Variants in CUL4B observed in about 807,000 individuals in gnomAD.
CUL4B encodes the protein cullin-4B.
In CUL4B, 1 loss-of-function variant was observed where a neutral mutation model predicts 69.2. The ratio of observed to expected loss-of-function variants is 0.01; its 90% CI spans 0.01 to 0.07. The LOEUF is 0.07. Among genes scored for constraint, CUL4B ranks in the 10% least tolerant of loss-of-function variants. CUL4B has a pLI of 1.00. For missense variants in CUL4B, 328 were observed against 638.8 expected, an observed-to-expected ratio of 0.51 and a Z score of 5.24; for synonymous variants, 237 against 223.2, an observed-to-expected ratio of 1.06 and a Z score of -0.55.
Position 120,553,506 on chromosome X carries a change from G to T in CUL4B, c.672+4418C>A, listed in dbSNP as rs190361436. 5.5e-4 allele frequency among the ~76,000 whole-genome samples: 62 copies of T among 111,892 alleles called. 1 individual carries two copies. The East Asian group carries it at 0.017, about 30-fold the overall frequency. Reference sequence around the variant, plus strand: ...ATTATTTTCATCAGAATTGAAGTATGGCCTAGGCTTGACTTTAAAAATAGC... The same window carrying T: ...ATTATTTTCATCAGAATTGAAGTATTGCCTAGGCTTGACTTTAAAAATAGC... On this transcript the variant is annotated intron_variant, in intron 2 of 19. Coordinates refer to ENST00000371322, the MANE Select transcript of CUL4B (RefSeq NM_001079872.2).
chrX:120,542,774 A>T (rs752369582), intron 9 of CUL4B, among the ~76,000 whole-genome samples, 192 bp downstream of exon 9: 1 of 111,156 alleles, frequency 9.0e-6, no homozygotes, highest in Admixed American at 9.6e-5. Context: ...CCTCTCTTCT[A>T]GTTCCTGTAT....
intron 1 of CUL4B, among the ~76,000 whole-genome samples, chrX:120,559,512 A>G (rs968179351): frequency 1.8e-5 from 2 of 112,507 alleles, no homozygotes; most frequent in Non-Finnish European, 3.8e-5. Flanking sequence ...TGTATACACA[A>G]TGTTTTTCAC....
chrX:120,560,346 T>C lies in CUL4B; in HGVS notation c.293A>G (p.Gln98Arg). Residue 98 changes from glutamine (Q) to arginine (R), a missense_variant, in exon 1 of 20, where the codon CAG (glutamine) becomes CGG (arginine). This residue lies in a region of CUL4B where 102 missense variants were observed against 122.1 expected (regional missense o/e 0.84). Transcript: ENST00000371322. The part of the protein sequence containing the change: ...SVAASSHVPI[Q>R]KKLRFEDTLE... ...GGTGTCTTCAAAACGCAGCTTCTTC[T>C]GTATCGGTACGTGGCTGGAAGCAGC... 2 of 1,209,350 alleles carry C rather than the reference T, an allele frequency of 1.7e-6. No homozygotes were observed. The highest frequency in any genetic ancestry group is 2.2e-6 in the Non-Finnish European group (2 of 893,883).
chrX:120,566,349 A>G (rs1191477925), upstream of CUL4B, among the ~76,000 whole-genome samples: 5 of 20,568 alleles, frequency 2.4e-4, no homozygotes, highest in East Asian at 4.3e-3. Context: ...GTATAGGTAT[A>G]TATATATATA....
upstream of CUL4B, among the ~76,000 whole-genome samples, chrX:120,564,694 G>T (rs933687103): frequency 8.9e-6 from 1 of 112,432 alleles, no homozygotes; most frequent in Non-Finnish European, 1.9e-5. Context: ...GAACATAAGC[G>T]TATATTCTGT....
In CUL4B at chrX:120,526,658, T is replaced by C. The variant is rs1000134960; in HGVS notation, c.*103A>G. On this transcript the variant is annotated 3_prime_UTR_variant, in exon 20 of 20. Coordinates refer to ENST00000371322, the MANE Select transcript of CUL4B (RefSeq NM_001079872.2). ...TATTTCCATTAATTACACTGCTTCA[T>C]TTGGTCATCGGTAGTAAAAAAGGAG... 5.7e-6 allele frequency: 3 copies of C among 527,963 alleles called. No individual in the cohort carries two copies. The highest frequency in any genetic ancestry group is 2.3e-5 in the African/African-American group (1 of 43,502). 43.5% of individuals were successfully genotyped at this position (527,963 alleles called of 1,213,427 possible).
intron 19 of CUL4B, among the ~76,000 whole-genome samples, 160 bp downstream of exon 19, chrX:120,529,942 G>GTT (rs76254851): frequency 3.6e-4 from 38 of 104,650 alleles, no homozygotes; most frequent in Admixed American, 1.0e-3. Flanking sequence ...TGCCAACAAA[G>GTT]TTTTTTTTTT....
At chrX:120,545,553 G>T (rs752791681) in intron 4 of CUL4B, 36 bp from the exon 5 acceptor site, 2 of 989,405 alleles carry the variant, frequency 2.0e-6, no homozygotes, top group East Asian at 3.3e-5. Flanking sequence ...AACAAGTTTT[G>T]TATGTTGTGA....
chrX:120,544,158 G>T lies in CUL4B; in HGVS notation c.1129C>A (p.Arg377=), dbSNP rs912042227. The T allele has an allele frequency of 8.3e-7, 1 of 1,205,931 alleles. No individual in the cohort carries two copies. Among genetic ancestry groups the T allele is most frequent in the East Asian group, 3.0e-5 (1 of 33,760 alleles). Residue 377 remains arginine (R), a synonymous_variant, in exon 7 of 20, where the codon CGG becomes AGG. Coordinates refer to ENST00000371322, the MANE Select transcript of CUL4B (RefSeq NM_001079872.2). ...TTTTGGCCTTCAGCTGCATAGAGCC[G>T]GTTAGTTTCTTCCAAAAATCGTTGT... The part of the protein sequence containing the change: ...FEQRFLEETN[R]LYAAEGQKLM...
rs1925198885 is a variant in CUL4B at position 120,560,157 on chromosome X, G to C, written c.482C>G (p.Ser161Cys). 8.3e-7 allele frequency: 1 copy of C among 1,210,314 alleles called. No individual in the cohort carries two copies. Among genetic ancestry groups the C allele is most frequent in the African/African-American group, 1.7e-5 (1 of 57,241 alleles). ...SVHHANGLAK[S>C]STTVSSFANS... is the part of the protein sequence containing the mutation. Reference sequence around the variant, plus strand: ...AGCAAAGCTAGAGACGGTGGTAGAAGATTTGGCTAGGCCGTTTGCATGATG... The same window carrying C: ...AGCAAAGCTAGAGACGGTGGTAGAACATTTGGCTAGGCCGTTTGCATGATG... Residue 161 changes from serine to cysteine, a missense_variant, in exon 1 of 20, where the codon TCT (serine) becomes TGT (cysteine). Ser to Cys is a moderately radical substitution (Grantham distance 112, BLOSUM62 -1). Around this residue, in one of 4 missense-constraint regions of CUL4B, gnomAD observed 102 missense variants for 122.1 expected, o/e 0.84. Transcript: ENST00000371322.
chrX:120,548,435 G>A (rs1055855968), intron 2 of CUL4B, among the ~76,000 whole-genome samples: 8 of 111,931 alleles, frequency 7.1e-5, no homozygotes, highest in Non-Finnish European at 1.3e-4. Context: ...GGATTTTCCT[G>A]AACAGAACAA....
upstream of CUL4B, among the ~76,000 whole-genome samples, chrX:120,562,772 T>C (rs1261680494): frequency 2.7e-5 from 3 of 111,276 alleles, no homozygotes; most frequent in Non-Finnish European, 5.7e-5. Context: ...GAAAGTGCAG[T>C]GAGGCTGGGA....
chrX:120,553,130 T>C (rs1230878132), intron 2 of CUL4B, among the ~76,000 whole-genome samples: 3 of 111,542 alleles, frequency 2.7e-5, no homozygotes, highest in African/African-American at 9.8e-5. Flanking sequence ...TAACAAAGAG[T>C]AGAATTTTAG....
At chrX:120,547,083 G>A (rs1924383585) in intron 3 of CUL4B, 53 bp downstream of exon 3, 1 of 817,121 alleles carries the variant, frequency 1.2e-6, no homozygotes, top group African/African-American at 2.0e-5. Flanking sequence ...GTGAGGGGTA[G>A]GGACAGAGAG....
chrX:120,530,373 A>C (rs982666665), intron 18 of CUL4B, 119 bp from the exon 19 acceptor site: 1 of 651,900 alleles, frequency 1.5e-6, no homozygotes, highest in African/African-American at 2.2e-5. Flanking sequence ...AATTATCTAA[A>C]TGGGGTCTTA....
chrX:120,528,837 A>C (rs973996223), intron 19 of CUL4B, among the ~76,000 whole-genome samples: 7 of 112,395 alleles, frequency 6.2e-5, no homozygotes, highest in African/African-American at 2.3e-4. Context: ...ATTTAAAAGT[A>C]ATCAAGAAAG....
intron 12 of CUL4B, among the ~76,000 whole-genome samples, chrX:120,538,973 T>C (rs1021161653): frequency 3.7e-4 from 42 of 112,153 alleles, no homozygotes; most frequent in African/African-American, 1.2e-3. Flanking sequence ...CTTTTTTGCA[T>C]GTAACTGTCT....
chrX:120,545,363 T>C (rs1474011101), intron 5 of CUL4B, 81 bp downstream of exon 5: 1 of 693,453 alleles, frequency 1.4e-6, no homozygotes, highest in African/African-American at 2.1e-5. Flanking sequence ...ATTCACAGTA[T>C]AGCTTATACA....
chrX:120,530,975 T>C (rs1191660491), intron 18 of CUL4B, among the ~76,000 whole-genome samples: 3 of 111,690 alleles, frequency 2.7e-5, no homozygotes, highest in African/African-American at 3.3e-5. Flanking sequence ...CTGTCTTTGA[T>C]GTGTATGTGA....
Sources: allele counts gnomAD v4.1 joint callset (sites outside exome capture counted in the v4.1 genomes callset), GRCh38; gene constraint gnomAD v4.1.1; regional missense constraint gnomAD v4.1.1; transcripts MANE v1.5; gene names NCBI Gene and HGNC (gene_info 2026-07-23, HGNC 2026-07-21).